Variants in MN1 observed in about 807,000 individuals in gnomAD.
MN1 encodes MN1 proto-oncogene, transcriptional regulator.
In MN1, 19 loss-of-function variants were observed where a neutral mutation model predicts 86.9. The ratio of observed to expected loss-of-function variants is 0.22; its 90% CI spans 0.15 to 0.32. The LOEUF (loss-of-function observed/expected upper bound fraction) is 0.32, where lower values mean the gene tolerates loss of function less well. Ranked by LOEUF, MN1 falls within the 10% of genes least tolerant of loss-of-function variation. MN1 has a pLI of 1.00. For synonymous variants in MN1, 928 were observed against 849.6 expected (o/e 1.09, Z -1.60); for missense variants, 1,841 against 1,862.0 (o/e 0.99, Z 0.21).
chr22:27,800,731 A>T lies in MN1; in HGVS notation c.-188T>A. On this transcript the variant is annotated 5_prime_UTR_variant, in exon 1 of 2. Transcript: ENST00000302326. The stretch of plus-strand genomic sequence containing the variant: ...GGGCGGGGTATTAGCTCCTCTCCTG[A>T]AGCTCCGATTCTGCCCGGGGAGGGC... 1.5e-6 allele frequency: 1 copy of T among 666,982 alleles called. No individual in the cohort carries two copies. Among genetic ancestry groups the T allele is most frequent in the South Asian group, 1.9e-5 (1 of 52,322 alleles). 41.3% of individuals were successfully genotyped at this position (666,982 alleles called of 1,614,324 possible). A position where few individuals can be genotyped will look rare whatever the true frequency, so the allele number is the denominator to read the frequency against.
rs1933352737 is a variant in MN1 at position 27,798,510 on chromosome 22, G to T, written c.2034C>A (p.Gly678=). Reference sequence around the variant, plus strand: ...GCATCCTCATCGGCTCCTGCAGAGGGCCCCGGAACAGCACCCCCGAGCCAC... The same window carrying T: ...GCATCCTCATCGGCTCCTGCAGAGGTCCCCGGAACAGCACCCCCGAGCCAC... ...PPGGSGVLFR[G]PLQEPMRMPG... The change falls in exon 1 of 2, where the codon GGC becomes GGA. Residue 678 remains glycine (G), a synonymous_variant. Coordinates refer to ENST00000302326, the MANE Select transcript of MN1 (RefSeq NM_002430.3). 2 of 1,534,352 alleles carry T rather than the reference G, an allele frequency of 1.3e-6. No individual in the cohort carries two copies. Among genetic ancestry groups the T allele is most frequent in the East Asian group, 2.4e-5 (1 of 42,112 alleles).
intron 1 of MN1, among the ~76,000 whole-genome samples, chr22:27,771,693 G>C (rs1259541231): frequency 6.6e-6 from 1 of 152,184 alleles, no homozygotes; most frequent in Non-Finnish European, 1.5e-5. Flanking sequence ...GACAGGGAAA[G>C]GGATAGGTAA....
At chr22:27,784,608 G>C (rs1375588880) in intron 1 of MN1, among the ~76,000 whole-genome samples, 2 of 152,152 alleles carry the variant, frequency 1.3e-5, no homozygotes, top group Non-Finnish European at 2.9e-5. Context: ...TACCCATTTA[G>C]AAAGAATGTG....
intron 1 of MN1, among the ~76,000 whole-genome samples, chr22:27,771,464 C>T (rs886962689): frequency 2.6e-5 from 4 of 151,830 alleles, no homozygotes; most frequent in African/African-American, 7.3e-5. Flanking sequence ...TGTCCTCAGG[C>T]AATCCTCCTA....
rs1415629748 is a variant in MN1 at position 27,749,688 on chromosome 22, G to C, written c.*1227C>G. On this transcript the variant is annotated 3_prime_UTR_variant, in exon 2 of 2. Transcript: ENST00000302326. ...CAGAGTTCAAAACTAAAAGGCGCAG[G>C]AATCAAAGTCATTTCATTCTATTCT... 1.7e-5 allele frequency: 4 copies of C among 231,582 alleles called. No individual in the cohort carries two copies. The highest frequency in any genetic ancestry group is 8.8e-5 in the African/African-American group (4 of 45,230). The allele number at this position is 231,582 out of a possible 1,614,324, so 14.3% of individuals were successfully genotyped here.
chr22:27,789,945 T>C (rs530381346), intron 1 of MN1, among the ~76,000 whole-genome samples: 2 of 152,204 alleles, frequency 1.3e-5, no homozygotes, highest in Non-Finnish European at 2.9e-5. Context: ...GTACCTAGGG[T>C]GCCAGTCCAA....
intron 1 of MN1, among the ~76,000 whole-genome samples, chr22:27,766,329 C>T (rs1932869728): frequency 6.6e-6 from 1 of 152,192 alleles, no homozygotes; most frequent in South Asian, 2.1e-4. Flanking sequence ...TGACTTGGCT[C>T]TTCGTGCTCT....
In MN1 at chr22:27,800,260, T is replaced by A; in HGVS notation, c.284A>T (p.Gln95Leu). The change falls in exon 1 of 2, where the codon CAG becomes CTG. Residue 95 changes from glutamine to leucine, a missense_variant. Coordinates refer to ENST00000302326, the MANE Select transcript of MN1 (RefSeq NM_002430.3). ...AQPVHGFFGG[Q>L]QPHHGHPGSH... ...TCCCGGGTGGCCGTGGTGAGGCTGC[T>A]GGCCGCCAAAGAAGCCGTGCACAGG... 6.3e-7 allele frequency: 1 copy of A among 1,584,168 alleles called. No homozygotes were observed. Among genetic ancestry groups the A allele is most frequent in the Admixed American group, 1.8e-5 (1 of 56,108 alleles).
intron 1 of MN1, among the ~76,000 whole-genome samples, chr22:27,766,067 C>T (rs1350515406): frequency 6.6e-6 from 1 of 152,160 alleles, no homozygotes; most frequent in Non-Finnish European, 1.5e-5. Flanking sequence ...CTGGGCTCTC[C>T]TCCCCAACTC....
At chr22:27,766,863 T>C (rs1467259629) in intron 1 of MN1, among the ~76,000 whole-genome samples, 1 of 152,156 alleles carries the variant, frequency 6.6e-6, no homozygotes, top group African/African-American at 2.4e-5. Context: ...TAGTACGCTG[T>C]CACCAAGGGG....
intron 1 of MN1, among the ~76,000 whole-genome samples, chr22:27,795,943 C>T (rs1453865846): frequency 6.6e-6 from 1 of 152,102 alleles, no homozygotes; most frequent in Non-Finnish European, 1.5e-5. Context: ...TGGGACAGGA[C>T]ATCTGTCACC....
At position 27,798,467 on chromosome 22, in the gene MN1, G is replaced by A; in HGVS notation, c.2077C>T (p.Pro693Ser). 2 of 1,565,406 alleles carry A rather than the reference G, an allele frequency of 1.3e-6. No individual in the cohort carries two copies. The highest frequency in any genetic ancestry group is 1.8e-5 in the Admixed American group (1 of 56,410). ...TGCAGGCCCGGTGAAGGCAGCGCGG[G>A]CACGTGGCCCTCTCCGGGCATCCTC... ...PMRMPGEGHV[P>S]ALPSPGLQFG... Residue 693 changes from proline to serine, a missense_variant, in exon 1 of 2, where the codon CCC (proline) becomes TCC (serine). Transcript: ENST00000302326.
chr22:27,771,415 G>A (rs765829540), intron 1 of MN1, among the ~76,000 whole-genome samples: 40 of 151,398 alleles, frequency 2.6e-4, no homozygotes, highest in Admixed American at 2.4e-3. Flanking sequence ...AGGTTGGTAG[G>A]GGGGTCTCAC....
At position 27,800,117 on chromosome 22, in the gene MN1, G is replaced by T; in HGVS notation, c.427C>A (p.Leu143Met). The T allele has an allele frequency of 6.4e-7, 1 of 1,574,636 alleles. No homozygotes were observed. ...LLGYGGAAGG[L>M]GSQPPFAEGY... The stretch of plus-strand genomic sequence containing the variant: ...TCGGCGAAGGGCGGCTGGCTGCCCA[G>T]GCCTCCGGCTGCGCCGCCGTAGCCG... Residue 143 changes from leucine to methionine, a missense_variant, in exon 1 of 2, where the codon CTG becomes ATG. Transcript: ENST00000302326.
chr22:27,786,502 G>T (rs1478232494), intron 1 of MN1, among the ~76,000 whole-genome samples: 4 of 150,202 alleles, frequency 2.7e-5, no homozygotes, highest in African/African-American at 9.8e-5. Flanking sequence ...CAGCATAAAA[G>T]GTACTGCAAA....
At chr22:27,785,583 G>A (rs1933119682) in intron 1 of MN1, among the ~76,000 whole-genome samples, 1 of 152,178 alleles carries the variant, frequency 6.6e-6, no homozygotes, top group Non-Finnish European at 1.5e-5. Context: ...AGGAAATGCA[G>A]GGGCCGTGAT....
rs1933329089 is a variant in MN1 at position 27,797,792 on chromosome 22, G to A, written c.2752C>T (p.Leu918Phe). The change falls in exon 1 of 2, where the codon CTC becomes TTC. Residue 918 changes from leucine to phenylalanine, a missense_variant. Leu to Phe is a conservative substitution (Grantham distance 22, BLOSUM62 0). Transcript: ENST00000302326. ...GATTCCAGGGTGTAGTTGGGGGAGA[G>A]GCTGGTGCCGTCCCCCTGGGCTGGA... ...NPPAQGDGTS[L>F]SPNYTLESTS... 1 of 1,600,252 alleles carries A rather than the reference G, an allele frequency of 6.2e-7. No homozygotes were observed. Among genetic ancestry groups the A allele is most frequent in the Non-Finnish European group, 8.5e-7 (1 of 1,174,918 alleles).
rs561810306 is a variant in MN1, at chr22:27,799,128, C to T, written c.1416G>A (p.Ser472=). 5.0e-6 allele frequency: 8 copies of T among 1,603,998 alleles called. No homozygotes were observed. In the African/African-American group the frequency reaches 8.0e-5, roughly 16 times the overall value. ...PGSAGVDRCA[S]WNGSMHNGAL... ...CGCCGTTGTGCATGCTGCCGTTCCA[C>T]GAAGCGCAGCGGTCCACTCCCGCGC... The change falls in exon 1 of 2, where the codon TCG becomes TCA. Residue 472 remains serine (S), a synonymous_variant. Coordinates refer to ENST00000302326, the MANE Select transcript of MN1 (RefSeq NM_002430.3).
intron 1 of MN1, among the ~76,000 whole-genome samples, chr22:27,763,718 T>C (rs1449112440): frequency 6.6e-6 from 1 of 152,202 alleles, no homozygotes; most frequent in African/African-American, 2.4e-5. Flanking sequence ...CCTGCAGCCA[T>C]GTGCTGGGCA....
Sources: allele counts gnomAD v4.1 joint callset (sites outside exome capture counted in the v4.1 genomes callset), GRCh38; gene constraint gnomAD v4.1.1; transcripts MANE v1.5; gene names NCBI Gene and HGNC (gene_info 2026-07-23, HGNC 2026-07-21).